Variants in LHFPL3 observed in about 807,000 individuals in gnomAD.
LHFPL3 encodes LHFPL tetraspan subfamily member 3 protein.
In LHFPL3, 5 loss-of-function variants were observed where a neutral mutation model predicts 19.3. The observed-to-expected ratio is 0.26, with a 90% CI of 0.14 to 0.54. The LOEUF is 0.54. Among genes scored for constraint, LHFPL3 ranks in the 20% least tolerant of loss-of-function variants. The pLI is 0.94. For missense variants in LHFPL3, 249 were observed against 307.4 expected (o/e 0.81, Z 1.42); for synonymous variants, 133 against 126.2 (o/e 1.05, Z -0.36).
At chr7:104,486,292 A>G (rs1246076350) in intron 1 of LHFPL3, among the ~76,000 whole-genome samples, 1 of 152,006 alleles carries the variant, frequency 6.6e-6, no homozygotes, top group African/African-American at 2.4e-5. Flanking sequence ...ATCATTTCTC[A>G]TTTTACTCAT....
At chr7:104,708,853 C>A (rs1183302172) in intron 1 of LHFPL3, among the ~76,000 whole-genome samples, 3 of 152,118 alleles carry the variant, frequency 2.0e-5, no homozygotes, top group Non-Finnish European at 4.4e-5. Flanking sequence ...ACACTGGATA[C>A]CTTTGTAGAC....
intron 1 of LHFPL3, among the ~76,000 whole-genome samples, chr7:104,494,040 TG>T: frequency 1.3e-5 from 2 of 152,338 alleles, no homozygotes; most frequent in South Asian, 4.1e-4. Flanking sequence ...TCATCTCTTT[TG>T]TTATGACTAG....
chr7:104,618,943 A>C (rs547679786), intron 1 of LHFPL3, among the ~76,000 whole-genome samples: 4 of 152,290 alleles, frequency 2.6e-5, no homozygotes, highest in Admixed American at 2.0e-4. Context: ...GGGGCAGCAG[A>C]AGAAGAGGCC....
chr7:104,577,580 C>T (rs2116010027), intron 1 of LHFPL3, among the ~76,000 whole-genome samples: 1 of 152,108 alleles, frequency 6.6e-6, no homozygotes, highest in African/African-American at 2.4e-5. Context: ...TCCTCCTAAA[C>T]AGAGTGAATT....
At chr7:104,457,106 G>A (rs1792557747) in intron 1 of LHFPL3, among the ~76,000 whole-genome samples, 1 of 151,950 alleles carries the variant, frequency 6.6e-6, no homozygotes, top group African/African-American at 2.4e-5. Flanking sequence ...CAGCTTTTAT[G>A]CCCACTACAT....
rs1352760549 is a variant in LHFPL3, at chr7:104,908,287, AG to A, written c.*2073del. Among the ~76,000 whole-genome samples the A allele has an allele frequency of 6.6e-6, 1 of 152,234 alleles. No homozygotes were observed. Among genetic ancestry groups the A allele is most frequent in the Non-Finnish European group, 1.5e-5 (1 of 68,034 alleles). ...ACCTAAGTGTAATTTAGCATACCAC[AG>A]TGCTCTGAAGATGGGTCATTGACGA... On this transcript the variant is annotated 3_prime_UTR_variant, in exon 3 of 3. Coordinates refer to ENST00000424859, the MANE Select transcript of LHFPL3 (RefSeq NM_199000.3).
intron 1 of LHFPL3, among the ~76,000 whole-genome samples, chr7:104,625,994 CCCT>C (rs1791537403): frequency 6.6e-6 from 1 of 152,162 alleles, no homozygotes; most frequent in African/African-American, 2.4e-5. Flanking sequence ...GCCTGACAGG[CCCT>C]AATAAGTTCC....
chr7:104,506,301 T>G (rs938315226), intron 1 of LHFPL3, among the ~76,000 whole-genome samples: 5 of 141,644 alleles, frequency 3.5e-5, no homozygotes, highest in Non-Finnish European at 7.7e-5. Context: ...GCACATTCCA[T>G]CCCATTTGTT....
At chr7:104,655,910 C>T (rs568859909) in intron 1 of LHFPL3, among the ~76,000 whole-genome samples, 2 of 152,200 alleles carry the variant, frequency 1.3e-5, no homozygotes, top group East Asian at 1.9e-4. Context: ...AAAAGCATTA[C>T]ATTTTGTTTT....
intron 1 of LHFPL3, among the ~76,000 whole-genome samples, chr7:104,609,591 T>C (rs1791174696): frequency 1.3e-5 from 2 of 152,130 alleles, no homozygotes; most frequent in Admixed American, 1.3e-4. Context: ...CCCAGGAGAA[T>C]TGTAAAGTAC....
At chr7:104,621,023 T>A (rs561744923) in intron 1 of LHFPL3, among the ~76,000 whole-genome samples, 2 of 152,288 alleles carry the variant, frequency 1.3e-5, no homozygotes, top group Non-Finnish European at 1.5e-5. Flanking sequence ...TGTTCAGGCA[T>A]TTGTCCAATA....
chr7:104,445,396 T>C (rs1792312022), intron 1 of LHFPL3, among the ~76,000 whole-genome samples: 1 of 152,190 alleles, frequency 6.6e-6, no homozygotes, highest in Admixed American at 6.5e-5. Flanking sequence ...CTTTCTAATC[T>C]TTGGTTTCCT....
chr7:104,787,482 A>G (rs1789939847), intron 2 of LHFPL3, among the ~76,000 whole-genome samples: 2 of 152,208 alleles, frequency 1.3e-5, no homozygotes, highest in African/African-American at 4.8e-5. Context: ...ATGGTGTCTG[A>G]GGAAGGCCTG....
intron 2 of LHFPL3, among the ~76,000 whole-genome samples, chr7:104,818,492 G>C (rs1214260700): frequency 6.6e-6 from 1 of 151,866 alleles, no homozygotes; most frequent in African/African-American, 2.4e-5. Context: ...AGTGAGCAGA[G>C]ATCGTGCCAA....
At chr7:104,801,108 C>A (rs988122758) in intron 2 of LHFPL3, among the ~76,000 whole-genome samples, 1 of 152,192 alleles carries the variant, frequency 6.6e-6, no homozygotes, top group Non-Finnish European at 1.5e-5. Context: ...CAGAGAGGTT[C>A]TAAGAACAGC....
chr7:104,462,861 T>C (rs1250626284), intron 1 of LHFPL3, among the ~76,000 whole-genome samples: 1 of 152,170 alleles, frequency 6.6e-6, no homozygotes, highest in African/African-American at 2.4e-5. Context: ...TGTGACTCCA[T>C]GTGGTCCTGG....
intron 2 of LHFPL3, among the ~76,000 whole-genome samples, chr7:104,835,677 T>TATC (rs1791078197): frequency 6.6e-6 from 1 of 151,962 alleles, no homozygotes; most frequent in Non-Finnish European, 1.5e-5. Flanking sequence ...ACAAAAATTG[T>TATC]ATCAAATTCT....
chr7:104,626,182 G>T (rs1432806031), intron 1 of LHFPL3, among the ~76,000 whole-genome samples: 1 of 152,146 alleles, frequency 6.6e-6, no homozygotes, highest in African/African-American at 2.4e-5. Context: ...AGACATGAGT[G>T]CCTGCTTCCT....
At chr7:104,465,895 T>G (rs972472731) in intron 1 of LHFPL3, among the ~76,000 whole-genome samples, 6 of 152,268 alleles carry the variant, frequency 3.9e-5, no homozygotes, top group Admixed American at 6.5e-5. Context: ...GTAATTTTTT[T>G]AGTTTTGATT....
Sources: allele counts gnomAD v4.1 joint callset (sites outside exome capture counted in the v4.1 genomes callset), GRCh38; gene constraint gnomAD v4.1.1; transcripts MANE v1.5; gene names NCBI Gene and HGNC (gene_info 2026-07-23, HGNC 2026-07-21).